The following MAN1A2 variants were observed in gnomAD, a reference collection of about 807,000 sequenced individuals.
The protein encoded by MAN1A2 is mannosidase alpha class 1A member 2.
A neutral mutation model predicts 75.7 loss-of-function variants in MAN1A2; 26 were observed. The observed-to-expected ratio is 0.34, with a 90% CI of 0.25 to 0.48. The LOEUF (loss-of-function observed/expected upper bound fraction) is 0.48. MAN1A2 is among the 20% of genes least tolerant of loss of function. The pLI, the probability that MAN1A2 is intolerant of heterozygous loss-of-function variation, is 0.99. For synonymous variants in MAN1A2, 247 were observed against 264.6 expected, an observed-to-expected ratio of 0.93 and a Z score of 0.65; for missense variants, 562 against 775.5, an observed-to-expected ratio of 0.72 and a Z score of 3.27.
chr1:117,452,307 CAAA>C (rs35889322), intron 6 of MAN1A2, among the ~76,000 whole-genome samples: 2 of 142,540 alleles, frequency 1.4e-5, no homozygotes, highest in Non-Finnish European at 3.1e-5. Flanking sequence ...GACTCTGTCT[CAAA>C]AAAAAAAAAA....
In MAN1A2 at chr1:117,496,992, TTAA is replaced by T; in HGVS notation, c.1504+14_1504+16del. On this transcript the variant is annotated intron_variant, in intron 10 of 12. Coordinates refer to ENST00000356554, the MANE Select transcript of MAN1A2 (RefSeq NM_006699.5). The stretch of plus-strand genomic sequence containing the variant: ...TCATATGACAGAACTGGTAAGAATA[TTAA>T]TAAGGCTAATTATATAGTCTAAAAT... 6.3e-7 allele frequency: 1 copy of T among 1,591,766 alleles called. No homozygotes were observed. The highest frequency in any genetic ancestry group is 1.1e-5 in the South Asian group (1 of 89,462).
chr1:117,379,581 T>G (rs1156697709), intron 1 of MAN1A2, among the ~76,000 whole-genome samples: 1 of 152,102 alleles, frequency 6.6e-6, no homozygotes, highest in Non-Finnish European at 1.5e-5. Flanking sequence ...TCAAAAGCAT[T>G]TTCATTACTC....
intron 5 of MAN1A2, among the ~76,000 whole-genome samples, chr1:117,427,974 C>T (rs987942625): frequency 6.6e-6 from 1 of 152,188 alleles, no homozygotes; most frequent in Admixed American, 6.5e-5. Context: ...TATGAAGTTA[C>T]ACCATATTAC....
At chr1:117,408,171 C>T (rs755207271) in intron 3 of MAN1A2, among the ~76,000 whole-genome samples, 7 of 151,970 alleles carry the variant, frequency 4.6e-5, no homozygotes, top group Non-Finnish European at 8.8e-5. Context: ...CCCAGCTCCG[C>T]AGGAGGTTGA....
chr1:117,459,094 A>G (rs925584865), intron 6 of MAN1A2, among the ~76,000 whole-genome samples: 2 of 152,186 alleles, frequency 1.3e-5, no homozygotes, highest in African/African-American at 2.4e-5. Flanking sequence ...CCATATAAAC[A>G]TTGGCTTTTT....
At chr1:117,502,756 A>G (rs866599115) in intron 11 of MAN1A2, 99 bp from the exon 12 acceptor site, 13 of 667,662 alleles carry the variant, frequency 1.9e-5, no homozygotes, top group Middle Eastern at 5.0e-4. Flanking sequence ...TTTTCATACA[A>G]ATCTTTATGA....
chr1:117,415,539 C>T (rs189453165), intron 4 of MAN1A2, among the ~76,000 whole-genome samples: 12 of 152,046 alleles, frequency 7.9e-5, no homozygotes, highest in African/African-American at 2.7e-4. Flanking sequence ...GGTTTACTTT[C>T]CTTTATATTA....
chr1:117,493,483 G>A (rs1650949252), intron 9 of MAN1A2: 2 of 363,586 alleles, frequency 5.5e-6, no homozygotes, highest in East Asian at 5.7e-5. Context: ...AATTTTTGAA[G>A]AAAGAATTTA....
At chr1:117,407,493 A>G (rs1170944040) in intron 3 of MAN1A2, among the ~76,000 whole-genome samples, 1 of 152,114 alleles carries the variant, frequency 6.6e-6, no homozygotes, top group East Asian at 1.9e-4. Flanking sequence ...ACAGAATAGG[A>G]ATATGTAGGT....
intron 12 of MAN1A2, among the ~76,000 whole-genome samples, chr1:117,518,540 G>A (rs1379309546): frequency 6.6e-6 from 1 of 151,818 alleles, no homozygotes; most frequent in Admixed American, 6.6e-5. Context: ...TTTTTAAAAA[G>A]AATGATAGTT....
chr1:117,405,303 C>T (rs1446534520), intron 2 of MAN1A2, among the ~76,000 whole-genome samples: 3 of 152,022 alleles, frequency 2.0e-5, no homozygotes, highest in Non-Finnish European at 4.4e-5. Flanking sequence ...GAAAGAATGC[C>T]AAACAAATAT....
chr1:117,426,664 C>T (rs548969053), intron 5 of MAN1A2, among the ~76,000 whole-genome samples: 17 of 152,142 alleles, frequency 1.1e-4, no homozygotes, highest in Middle Eastern at 3.4e-3. Context: ...ATACTGAAAA[C>T]GAATAACAGA....
At chr1:117,414,584 C>T (rs1486322857) in intron 3 of MAN1A2, 129 bp from the exon 4 acceptor site, 6 of 525,338 alleles carry the variant, frequency 1.1e-5, no homozygotes, top group Non-Finnish European at 3.4e-6. Context: ...TATACTCTTA[C>T]TTTAGTTTAC....
At chr1:117,429,369 G>C (rs1231944342) in intron 5 of MAN1A2, among the ~76,000 whole-genome samples, 2 of 138,540 alleles carry the variant, frequency 1.4e-5, no homozygotes, top group African/African-American at 5.4e-5. Flanking sequence ...TCACTTCCCA[G>C]TAGGGGCGGC....
intron 5 of MAN1A2, among the ~76,000 whole-genome samples, chr1:117,431,980 C>G (rs1030477304): frequency 2.0e-5 from 3 of 151,872 alleles, no homozygotes; most frequent in Non-Finnish European, 4.4e-5. Flanking sequence ...CGATCTTTGA[C>G]CATGATGGAA....
chr1:117,368,489 T>C lies in MAN1A2; in HGVS notation c.302+4T>C. On this transcript the variant is annotated splice_donor_region_variant and intron_variant, in intron 1 of 12. Transcript: ENST00000356554. Reference sequence around the variant, plus strand: ...GACCCGATGAACATAGACACAGGTTTGTTTATTTCAGAAGTTCTGGTACTA... The same window carrying C: ...GACCCGATGAACATAGACACAGGTTCGTTTATTTCAGAAGTTCTGGTACTA... 2 of 1,592,952 alleles carry C rather than the reference T, an allele frequency of 1.3e-6. No homozygotes were observed. The highest frequency in any genetic ancestry group is 1.7e-6 in the Non-Finnish European group (2 of 1,171,458).
chr1:117,441,101 A>G (rs935291995), intron 5 of MAN1A2, among the ~76,000 whole-genome samples: 16 of 152,208 alleles, frequency 1.1e-4, no homozygotes, highest in African/African-American at 3.4e-4. Flanking sequence ...TCTGCTAAGA[A>G]GCTTGTGCCT....
chr1:117,478,527 A>G lies in MAN1A2; in HGVS notation c.1168+12100A>G, dbSNP rs1433635866. On this transcript the variant is annotated intron_variant, in intron 8 of 12. Coordinates refer to ENST00000356554, the MANE Select transcript of MAN1A2 (RefSeq NM_006699.5). ...CCCAAGCACACAAAGATTTCTTCCTATGTTTTCTTCTAAAAGTTTATAGAT... is the reference window on the plus strand; with the variant it reads ...CCCAAGCACACAAAGATTTCTTCCTGTGTTTTCTTCTAAAAGTTTATAGAT... Among the ~76,000 whole-genome samples, 10 of 151,940 alleles carry G rather than the reference A, an allele frequency of 6.6e-5. No homozygotes were observed. The East Asian group carries it at 1.9e-3, about 29-fold the overall frequency.
At chr1:117,405,338 T>C (rs935600327) in intron 2 of MAN1A2, among the ~76,000 whole-genome samples, 3 of 151,988 alleles carry the variant, frequency 2.0e-5, no homozygotes, top group Non-Finnish European at 4.4e-5. Flanking sequence ...AAGAAGACTT[T>C]TCTATTATGC....
Sources: allele counts gnomAD v4.1 joint callset (sites outside exome capture counted in the v4.1 genomes callset), GRCh38; gene constraint gnomAD v4.1.1; transcripts MANE v1.5; gene names NCBI Gene and HGNC (gene_info 2026-07-23, HGNC 2026-07-21).